Variants in CCSER1 observed in about 807,000 individuals in gnomAD.
The protein encoded by CCSER1 is serine-rich coiled-coil domain-containing protein 1.
A neutral mutation model predicts 82.0 loss-of-function variants in CCSER1; 41 were observed. The observed-to-expected ratio is 0.50, with a 90% CI of 0.39 to 0.65. CCSER1 has a LOEUF of 0.65. Ranked by LOEUF, CCSER1 falls within the 30% of genes least tolerant of loss-of-function variation. The probability of loss-of-function intolerance (pLI) is 0.00; values close to 1 mark genes in which losing one functional copy is unlikely to be tolerated. For synonymous variants in CCSER1, 414 were observed against 383.9 expected (o/e 1.08, Z -0.92); for missense variants, 1,119 against 1,064.2 (o/e 1.05, Z -0.72).
At chr4:91,328,558 A>G (rs1267019079) in intron 10 of CCSER1, among the ~76,000 whole-genome samples, 2 of 152,194 alleles carry the variant, frequency 1.3e-5, no homozygotes, top group Non-Finnish European at 2.9e-5. Context: ...CAGCCAAACC[A>G]TATCAACCAC....
chr4:91,036,104 A>G (rs1376231119), intron 9 of CCSER1, among the ~76,000 whole-genome samples: 1 of 152,174 alleles, frequency 6.6e-6, no homozygotes, highest in Non-Finnish European at 1.5e-5. Context: ...AAGATTCAAT[A>G]ATCACTGATA....
chr4:91,160,819 T>C (rs1731317261), intron 10 of CCSER1, among the ~76,000 whole-genome samples: 1 of 152,170 alleles, frequency 6.6e-6, no homozygotes. Context: ...GTCAGATGGG[T>C]AGATTGCCAA....
intron 6 of CCSER1, among the ~76,000 whole-genome samples, chr4:90,691,821 G>A (rs915012023): frequency 4.0e-5 from 6 of 151,388 alleles, no homozygotes; most frequent in East Asian, 1.9e-4. Context: ...CATAGTACTC[G>A]ATCAGTAGTT....
intron 1 of CCSER1, among the ~76,000 whole-genome samples, chr4:90,180,120 T>TTA (rs59586682): frequency 0.22 from 30,890 of 140,066 alleles, 3,381 homozygotes; most frequent in Non-Finnish European, 0.27. Context: ...GCTTATGTAG[T>TTA]TATATATATA....
chr4:91,364,898 T>G (rs1445985768), intron 10 of CCSER1, among the ~76,000 whole-genome samples: 4 of 152,112 alleles, frequency 2.6e-5, no homozygotes, highest in African/African-American at 9.6e-5. Context: ...TTCTTTGATG[T>G]TTCTTAAAAA....
intron 8 of CCSER1, among the ~76,000 whole-genome samples, chr4:90,872,505 A>G (rs1580866292): frequency 6.6e-6 from 1 of 151,934 alleles, no homozygotes; most frequent in South Asian, 2.1e-4. Context: ...TAAAAATTAT[A>G]CTGTAACTTC....
chr4:90,307,651 A>G (rs187497527), intron 1 of CCSER1, among the ~76,000 whole-genome samples: 1 of 144,536 alleles, frequency 6.9e-6, no homozygotes, highest in African/African-American at 2.5e-5. Flanking sequence ...AGCATAATTT[A>G]AAAAAAAAAA....
At chr4:90,252,934 C>G (rs1722659118) in intron 1 of CCSER1, among the ~76,000 whole-genome samples, 1 of 151,742 alleles carries the variant, frequency 6.6e-6, no homozygotes, top group African/African-American at 2.4e-5. Context: ...GTTTTTGCAT[C>G]TTGGAATCTA....
intron 10 of CCSER1, among the ~76,000 whole-genome samples, chr4:91,271,121 T>C (rs1741996281): frequency 6.6e-6 from 1 of 152,174 alleles, no homozygotes; most frequent in Non-Finnish European, 1.5e-5. Flanking sequence ...GATAGATTTT[T>C]TAAAATCAAT....
intron 10 of CCSER1, among the ~76,000 whole-genome samples, chr4:91,440,619 C>G (rs559556287): frequency 6.6e-6 from 1 of 152,036 alleles, no homozygotes; most frequent in African/African-American, 2.4e-5. Context: ...TAACTAAAAT[C>G]AGAGCAGAAC....
intron 6 of CCSER1, among the ~76,000 whole-genome samples, chr4:90,702,142 T>C (rs957611975): frequency 1.8e-4 from 28 of 152,130 alleles, no homozygotes; most frequent in African/African-American, 6.5e-4. Flanking sequence ...TTTTGAGATA[T>C]GTCCCATCAA....
intron 3 of CCSER1, among the ~76,000 whole-genome samples, chr4:90,363,227 AATTGCTTATCAAGCAC>A (rs1316768573): frequency 6.6e-6 from 1 of 152,122 alleles, no homozygotes; most frequent in Non-Finnish European, 1.5e-5. Flanking sequence ...TCTCCTTGTC[AATTGCTTATCAAGCAC>A]TTGTCATAGT....
intron 10 of CCSER1, among the ~76,000 whole-genome samples, chr4:91,233,274 G>T (rs1364811908): frequency 6.6e-6 from 1 of 151,626 alleles, no homozygotes; most frequent in Non-Finnish European, 1.5e-5. Flanking sequence ...CTTTGTTAAA[G>T]AAAAAAATCA....
At chr4:90,532,668 T>C (rs549543706) in intron 5 of CCSER1, among the ~76,000 whole-genome samples, 1 of 152,312 alleles carries the variant, frequency 6.6e-6, no homozygotes, top group South Asian at 2.1e-4. Flanking sequence ...GTTATTCTGC[T>C]TCTCAGTTTC....
chr4:90,414,907 A>G (rs185250522), intron 4 of CCSER1, among the ~76,000 whole-genome samples: 16 of 152,230 alleles, frequency 1.1e-4, no homozygotes, highest in Non-Finnish European at 1.6e-4. Context: ...TGTTTTGAGG[A>G]TATTTTTCTA....
chr4:90,552,776 G>A (rs192776129), intron 5 of CCSER1, among the ~76,000 whole-genome samples: 12 of 152,154 alleles, frequency 7.9e-5, no homozygotes, highest in African/African-American at 2.9e-4. Flanking sequence ...GCTTTTCAAA[G>A]CTTTTTGCGT....
intron 6 of CCSER1, among the ~76,000 whole-genome samples, chr4:90,721,824 T>G (rs191891750): frequency 6.6e-6 from 1 of 151,588 alleles, no homozygotes; most frequent in African/African-American, 2.4e-5. Flanking sequence ...ATTTCTCAAC[T>G]TGATAACTAA....
At chr4:90,502,667 AG>A (rs1770086557) in intron 5 of CCSER1, among the ~76,000 whole-genome samples, 3 of 152,196 alleles carry the variant, frequency 2.0e-5, no homozygotes, top group Admixed American at 2.0e-4. Flanking sequence ...CTTTTTCTCA[AG>A]GAAAAAAAAC....
At chr4:91,504,702 C>T (rs1208102718) in intron 10 of CCSER1, among the ~76,000 whole-genome samples, 1 of 130,380 alleles carries the variant, frequency 7.7e-6, no homozygotes, top group Non-Finnish European at 1.7e-5. Flanking sequence ...TCTTATGTTT[C>T]TTATTACCTA....
Sources: gnomAD v4.1 joint callset for allele counts (sites outside exome capture counted in the v4.1 genomes callset) on GRCh38, gnomAD v4.1.1 for gene constraint, MANE v1.5 for transcripts, NCBI Gene and HGNC (gene_info 2026-07-23, HGNC 2026-07-21) for gene names.